The following STK32A variants were observed in gnomAD, a reference collection of about 807,000 sequenced individuals.
STK32A encodes the protein serine/threonine kinase 32A.
STK32A carries 41 observed loss-of-function variants against 53.2 expected under a neutral mutation model. The ratio of observed to expected loss-of-function variants is 0.77; its 90% CI spans 0.60 to 1.00. The LOEUF is 1.00. Ranked by LOEUF, STK32A falls within the 50% of genes least tolerant of loss-of-function variation. STK32A has a pLI of 0.00. For synonymous variants in STK32A, 166 were observed against 162.8 expected (o/e 1.02, Z -0.15); for missense variants, 458 against 485.8 (o/e 0.94, Z 0.54).
intron 4 of STK32A, among the ~76,000 whole-genome samples, chr5:147,312,043 T>G (rs1011531960): frequency 6.6e-6 from 1 of 152,348 alleles, no homozygotes; most frequent in South Asian, 2.1e-4. Flanking sequence ...CAAGAGTCTT[T>G]AAGTCTTCCA....
At chr5:147,287,849 G>T (rs13165184) in intron 4 of STK32A, among the ~76,000 whole-genome samples, 1 of 151,652 alleles carries the variant, frequency 6.6e-6, no homozygotes, top group Non-Finnish European at 1.5e-5. Context: ...AAGTTTAACC[G>T]ACTAATTTTT....
chr5:147,308,733 T>C (rs1753546528), intron 4 of STK32A, among the ~76,000 whole-genome samples: 1 of 151,724 alleles, frequency 6.6e-6, no homozygotes, highest in Admixed American at 6.6e-5. Flanking sequence ...AGAAGTTTTT[T>C]TTTTTTTTAA....
chr5:147,351,452 T>C (rs1389441780), intron 7 of STK32A, among the ~76,000 whole-genome samples: 2 of 152,194 alleles, frequency 1.3e-5, no homozygotes, highest in East Asian at 1.9e-4. Context: ...CTCTGTGTGC[T>C]TAGCACTGTT....
intron 4 of STK32A, among the ~76,000 whole-genome samples, chr5:147,282,132 A>G (rs942196890): frequency 1.3e-5 from 2 of 152,242 alleles, no homozygotes; most frequent in Non-Finnish European, 2.9e-5. Flanking sequence ...AATCCTGGAA[A>G]CACATCAAAA....
intron 2 of STK32A, among the ~76,000 whole-genome samples, chr5:147,256,775 G>A (rs1194800764): frequency 6.6e-6 from 1 of 152,144 alleles, no homozygotes; most frequent in Non-Finnish European, 1.5e-5. Context: ...GCCTCCCAAA[G>A]TGCTGGGATT....
intron 4 of STK32A, among the ~76,000 whole-genome samples, chr5:147,295,505 G>T (rs1752827402): frequency 6.6e-6 from 1 of 152,202 alleles, no homozygotes; most frequent in South Asian, 2.1e-4. Context: ...TAAACCAACA[G>T]TATTAACTGG....
chr5:147,360,390 G>T (rs145588312), intron 7 of STK32A, among the ~76,000 whole-genome samples: 1 of 142,304 alleles, frequency 7.0e-6, no homozygotes, highest in African/African-American at 2.6e-5. Context: ...GGTCGAGGCT[G>T]CAGTGAGCCA....
chr5:147,303,625 T>A (rs1049304939), intron 4 of STK32A, among the ~76,000 whole-genome samples: 10 of 152,192 alleles, frequency 6.6e-5, no homozygotes, highest in African/African-American at 2.2e-4. Context: ...TGGCCAGTTT[T>A]GCAAACAATC....
Position 147,383,874 on chromosome 5 carries a change from TTC to T in STK32A, c.1098-14_1098-13del, listed in dbSNP as rs202059406. The T allele has an allele frequency of 2.3e-4, 331 of 1,460,516 alleles. No homozygotes were observed. In the East Asian group the frequency reaches 5.2e-3, roughly 23 times the overall value. 90.5% of individuals were successfully genotyped at this position (1,460,516 alleles called of 1,614,324 possible). ...TTCAAAGAATAAAACATCTTTTTTT[TTC>T]TTTTCTTTTTAAGAGTAAACAGGGA... On this transcript the variant is annotated splice_polypyrimidine_tract_variant and intron_variant, in intron 12 of 12. Transcript: ENST00000397936.
chr5:147,365,459 T>G (rs2152000473), intron 8 of STK32A, among the ~76,000 whole-genome samples: 1 of 152,238 alleles, frequency 6.6e-6, no homozygotes, highest in African/African-American at 2.4e-5. Flanking sequence ...AAGTCCTACA[T>G]AGGGATATTA....
intron 2 of STK32A, among the ~76,000 whole-genome samples, chr5:147,265,818 C>T (rs554698762): frequency 6.6e-6 from 1 of 152,274 alleles, no homozygotes; most frequent in African/African-American, 2.4e-5. Flanking sequence ...GTGAGCCTTT[C>T]TTTGTAACTG....
At chr5:147,281,577 T>C (rs1329599753) in intron 4 of STK32A, among the ~76,000 whole-genome samples, 1 of 151,420 alleles carries the variant, frequency 6.6e-6, no homozygotes, top group African/African-American at 2.4e-5. Flanking sequence ...AATAAGAAAA[T>C]ATAAACAAAA....
intron 2 of STK32A, among the ~76,000 whole-genome samples, chr5:147,255,825 T>C (rs1423099523): frequency 1.3e-5 from 2 of 152,212 alleles, no homozygotes; most frequent in Admixed American, 1.3e-4. Context: ...TTTTTATTAA[T>C]TGTCACTCAC....
chr5:147,311,926 T>TG (rs1393488481), intron 4 of STK32A, among the ~76,000 whole-genome samples: 2 of 151,980 alleles, frequency 1.3e-5, no homozygotes, highest in Non-Finnish European at 2.9e-5. Context: ...GAGAAATACC[T>TG]GGGTGCTATG....
intron 4 of STK32A, among the ~76,000 whole-genome samples, chr5:147,301,399 C>G (rs1299236008): frequency 1.3e-5 from 2 of 152,004 alleles, no homozygotes; most frequent in African/African-American, 4.8e-5. Context: ...CAAGATATGT[C>G]AAATAAGTGT....
At chr5:147,335,186 T>C (rs987362550) in intron 5 of STK32A, among the ~76,000 whole-genome samples, 1 of 152,188 alleles carries the variant, frequency 6.6e-6, no homozygotes, top group Non-Finnish European at 1.5e-5. Flanking sequence ...GAGTTTTACA[T>C]GTACCATTTA....
intron 4 of STK32A, among the ~76,000 whole-genome samples, chr5:147,310,304 CTGAG>C (rs1174627445): frequency 2.0e-5 from 3 of 152,150 alleles, no homozygotes; most frequent in African/African-American, 7.2e-5. Flanking sequence ...GGCGTGAAGG[CTGAG>C]TAAGAATCTC....
chr5:147,317,682 A>G (rs1469269692), intron 4 of STK32A, among the ~76,000 whole-genome samples: 1 of 152,170 alleles, frequency 6.6e-6, no homozygotes, highest in Non-Finnish European at 1.5e-5. Context: ...TAGTTGGTCA[A>G]GGAAGCTGTA....
At chr5:147,254,709 T>C (rs1341901510) in intron 2 of STK32A, among the ~76,000 whole-genome samples, 4 of 152,124 alleles carry the variant, frequency 2.6e-5, no homozygotes, top group African/African-American at 9.7e-5. Context: ...TTAAAGAGAA[T>C]GACGGGGTGA....
Sources: allele counts gnomAD v4.1 joint callset (sites outside exome capture counted in the v4.1 genomes callset), GRCh38; gene constraint gnomAD v4.1.1; transcripts MANE v1.5; gene names NCBI Gene and HGNC (gene_info 2026-07-23, HGNC 2026-07-21).